The following INTS4 variants were observed in gnomAD, a reference collection of about 807,000 sequenced individuals.
The protein encoded by INTS4 is integrator complex subunit 4.
Under a neutral mutation model 119.5 loss-of-function variants are expected in INTS4, and 70 were observed. The observed-to-expected ratio is 0.59, with a 90% CI of 0.48 to 0.71. The LOEUF is 0.71. Ranked by LOEUF, INTS4 falls within the 30% of genes least tolerant of loss-of-function variation. INTS4 has a pLI of 0.00. For missense variants in INTS4, 867 were observed against 1,173.2 expected, an observed-to-expected ratio of 0.74 and a Z score of 3.81; for synonymous variants, 316 against 419.6, an observed-to-expected ratio of 0.75 and a Z score of 3.02.
chr11:77,883,128 A>G (rs1321064655), intron 22 of INTS4, among the ~76,000 whole-genome samples: 1 of 151,994 alleles, frequency 6.6e-6, no homozygotes. Flanking sequence ...TTAAAAACAC[A>G]GAGTGAAAGA....
At chr11:77,884,856 G>A (rs1415539633) in intron 21 of INTS4, 4 of 357,906 alleles carry the variant, frequency 1.1e-5, no homozygotes, top group African/African-American at 4.2e-5. Context: ...CTGGGCGCAA[G>A]TGATCTTCCT....
At chr11:77,891,270 C>A in intron 21 of INTS4, 49 bp downstream of exon 21, 1 of 1,581,954 alleles carries the variant, frequency 6.3e-7, no homozygotes, top group Admixed American at 1.7e-5. Flanking sequence ...TTAAATACTT[C>A]AACACAATGT....
At chr11:77,969,702 T>G (rs908455987) in intron 4 of INTS4, among the ~76,000 whole-genome samples, 2 of 150,962 alleles carry the variant, frequency 1.3e-5, no homozygotes, top group African/African-American at 4.9e-5. Context: ...ACTGCACATA[T>G]ATGCACAACC....
At chr11:77,893,914 A>AATAAATAAATAT (rs1435478450) in intron 19 of INTS4, among the ~76,000 whole-genome samples, 1 of 150,874 alleles carries the variant, frequency 6.6e-6, no homozygotes, top group Admixed American at 6.6e-5. Flanking sequence ...TAAATAAATA[A>AATAAATAAATAT]ATAAATAAAT....
intron 10 of INTS4, among the ~76,000 whole-genome samples, chr11:77,930,691 T>A (rs547467522): frequency 1.3e-5 from 2 of 152,298 alleles, no homozygotes; most frequent in African/African-American, 4.8e-5. Flanking sequence ...TTTGGAATGT[T>A]GAAGATATGT....
intron 10 of INTS4, among the ~76,000 whole-genome samples, chr11:77,938,273 A>G (rs1668327): frequency 0.58 from 88,150 of 152,112 alleles, 25,795 homozygotes; most frequent in African/African-American, 0.61. Flanking sequence ...TCAAGTTATT[A>G]TTTTTATTAA....
At chr11:77,929,987 G>A (rs539746268) in intron 10 of INTS4, among the ~76,000 whole-genome samples, 5 of 152,252 alleles carry the variant, frequency 3.3e-5, no homozygotes, top group Non-Finnish European at 7.4e-5. Flanking sequence ...CTCAGAACAT[G>A]TAAACAATAA....
intron 7 of INTS4, among the ~76,000 whole-genome samples, chr11:77,956,284 G>A (rs1368278079): frequency 2.6e-5 from 4 of 152,144 alleles, no homozygotes; most frequent in African/African-American, 7.2e-5. Context: ...GGTGGCATGC[G>A]CTGATAGTCC....
intron 10 of INTS4, among the ~76,000 whole-genome samples, chr11:77,935,802 G>T (rs1953774309): frequency 1.3e-5 from 2 of 151,784 alleles, no homozygotes; most frequent in Admixed American, 6.6e-5. Context: ...AGGCTGAGGT[G>T]GGAAGATCAT....
downstream of INTS4, among the ~76,000 whole-genome samples, chr11:77,876,204 A>G (rs907748106): frequency 6.6e-6 from 1 of 152,132 alleles, no homozygotes; most frequent in South Asian, 2.1e-4. Flanking sequence ...TCTGGCTCTG[A>G]CTGCTGGGTG....
intron 8 of INTS4, among the ~76,000 whole-genome samples, chr11:77,948,203 A>C (rs1391386673): frequency 6.6e-6 from 1 of 152,214 alleles, no homozygotes; most frequent in African/African-American, 2.4e-5. Flanking sequence ...ATACACAAAC[A>C]AGAAAGAGAA....
At chr11:77,877,749 A>G (rs1565216955), downstream of INTS4, among the ~76,000 whole-genome samples, 1 of 148,604 alleles carries the variant, frequency 6.7e-6, no homozygotes, top group African/African-American at 2.5e-5. Context: ...CACACTTGCA[A>G]TTTTTTTTTT....
rs1953271030 is a variant in INTS4, at chr11:77,918,900, G to C, written c.1843C>G (p.Gln615Glu). The change falls in exon 15 of 23, where the codon CAG (glutamine) becomes GAG (glutamate). Residue 615 changes from glutamine (Q) to glutamate (E), a missense_variant. Transcript: ENST00000534064. ...PQEDPSQQFLQQSLERVYSLQ... is the reference protein window; with the variant it reads ...PQEDPSQQFLEQSLERVYSLQ... ...CTATACACTCTTTCAAGGCTCTGCT[G>C]CAGGAACTGCTGGGAAGGATCCTCT... The C allele has an allele frequency of 6.2e-7, 1 of 1,613,856 alleles. No individual in the cohort carries two copies. Among genetic ancestry groups the C allele is most frequent in the Admixed American group, 1.7e-5 (1 of 59,998 alleles).
chr11:77,963,380 A>AAC, intron 4 of INTS4: 1 of 403,950 alleles, frequency 2.5e-6, no homozygotes, highest in Non-Finnish European at 4.7e-6. Context: ...AAAAACAAAA[A>AAC]AAACTGCTTT....
chr11:77,930,914 G>A (rs1245580172), intron 10 of INTS4, among the ~76,000 whole-genome samples: 1 of 152,172 alleles, frequency 6.6e-6, no homozygotes, highest in Non-Finnish European at 1.5e-5. Context: ...TTTTTAAAAA[G>A]ACTGATTCTC....
At chr11:77,966,217 T>C (rs1241562825) in intron 4 of INTS4, among the ~76,000 whole-genome samples, 1 of 152,230 alleles carries the variant, frequency 6.6e-6, no homozygotes, top group African/African-American at 2.4e-5. Context: ...GTCAGATATA[T>C]GGTTTACACA....
chr11:77,892,707 C>T (rs544830477), intron 19 of INTS4, among the ~76,000 whole-genome samples: 142 of 152,148 alleles, frequency 9.3e-4, no homozygotes, highest in African/African-American at 3.3e-3. Context: ...CTCAGCCTCC[C>T]GAGTAGCTGG....
intron 3 of INTS4, 99 bp downstream of exon 3, chr11:77,981,357 CTCT>C: frequency 8.4e-6 from 4 of 473,778 alleles, no homozygotes; most frequent in Non-Finnish European, 1.5e-5. Context: ...CCTCAAATTC[CTCT>C]TCAATAACAA....
chr11:77,962,655 C>T (rs1328444771), intron 4 of INTS4, among the ~76,000 whole-genome samples: 1 of 151,566 alleles, frequency 6.6e-6, no homozygotes, highest in Non-Finnish European at 1.5e-5. Context: ...GCAAGTTTAA[C>T]AAAACAATAT....
Sources: gnomAD v4.1 joint callset for allele counts (sites outside exome capture counted in the v4.1 genomes callset) on GRCh38, gnomAD v4.1.1 for gene constraint, MANE v1.5 for transcripts, NCBI Gene and HGNC (gene_info 2026-07-23, HGNC 2026-07-21) for gene names.